The following GTF2IRD1 variants were observed in gnomAD, a reference collection of about 807,000 sequenced individuals.
GTF2IRD1 encodes the protein GTF2I repeat domain containing 1, also known as general transcription factor II-I repeat domain-containing protein 1.
A neutral mutation model predicts 113.2 loss-of-function variants in GTF2IRD1; 26 were observed. The ratio of observed to expected loss-of-function variants is 0.23; its 90% CI spans 0.17 to 0.32. The LOEUF (loss-of-function observed/expected upper bound fraction) is 0.32. Ranked by LOEUF, GTF2IRD1 falls within the 10% of genes least tolerant of loss-of-function variation. The probability of loss-of-function intolerance (pLI) is 1.00; values close to 1 mark genes in which losing one functional copy is unlikely to be tolerated. For synonymous variants in GTF2IRD1, 484 were observed against 529.1 expected (o/e 0.91, Z 1.17); for missense variants, 864 against 1,280.8 (o/e 0.67, Z 4.97).
In GTF2IRD1 at chr7:74,521,303, A is replaced by G. The variant is rs1554345931; in HGVS notation, c.1006+6A>G. 9.5e-6 allele frequency: 15 copies of G among 1,585,320 alleles called. No homozygotes were observed. Among genetic ancestry groups the G allele is most frequent in the Non-Finnish European group, 1.3e-5 (15 of 1,154,470 alleles). On this transcript the variant is annotated splice_donor_region_variant and intron_variant, in intron 7 of 26. Coordinates refer to ENST00000424337, the MANE Select transcript of GTF2IRD1 (RefSeq NM_005685.4). ...CATCGTCCATGACAAGTCAGGTAGG[A>G]CAGCGCCCACGAAGCACCCCGGCCT...
At chr7:74,566,802 C>G (rs919388635) in intron 22 of GTF2IRD1, among the ~76,000 whole-genome samples, 39 of 152,098 alleles carry the variant, frequency 2.6e-4, no homozygotes, top group African/African-American at 8.9e-4. Flanking sequence ...AAGTCTTTAC[C>G]ATTTTATTAT....
At chr7:74,496,112 A>G (rs1434628764) in intron 1 of GTF2IRD1, among the ~76,000 whole-genome samples, 1 of 150,438 alleles carries the variant, frequency 6.6e-6, no homozygotes, top group Non-Finnish European at 1.5e-5. Flanking sequence ...ATATGTGTGT[A>G]TGCATGTGTG....
In GTF2IRD1 at chr7:74,455,215, C is replaced by T. The variant is rs575757241; in HGVS notation, c.-7+1039C>T. Among the ~76,000 whole-genome samples the T allele has an allele frequency of 6.6e-4, 100 of 152,342 alleles. 1 individual carries two copies. Among genetic ancestry groups the T allele is most frequent in the Middle Eastern group, 3.4e-3 (1 of 294 alleles). ...CGCTGCAGGGCCTGTGAGGGGAGCA[C>T]TGACTCTTGGATGGAGAATGTGCCA... On this transcript the variant is annotated intron_variant, in intron 1 of 26. Coordinates refer to ENST00000424337, the MANE Select transcript of GTF2IRD1 (RefSeq NM_005685.4).
intron 1 of GTF2IRD1, among the ~76,000 whole-genome samples, chr7:74,489,108 C>CGA (rs1410065750): frequency 2.0e-5 from 3 of 151,792 alleles, no homozygotes; most frequent in African/African-American, 7.3e-5. Flanking sequence ...TGCCACTGCA[C>CGA]TCCAGCCTGG....
chr7:74,558,982 C>T lies in GTF2IRD1; in HGVS notation c.2229C>T (p.Phe743=), dbSNP rs369700997. 74 of 1,613,966 alleles carry T rather than the reference C, an allele frequency of 4.6e-5. No homozygotes were observed. The highest frequency in any genetic ancestry group is 8.9e-5 in the East Asian group (4 of 44,882). The change falls in exon 21 of 27, where the codon TTC becomes TTT. Residue 743 remains phenylalanine (F), a synonymous_variant. Coordinates refer to ENST00000424337, the MANE Select transcript of GTF2IRD1 (RefSeq NM_005685.4). The stretch of plus-strand genomic sequence containing the variant: ...TCCCGTTCCGAAAGCCCTGTACCTT[C>T]GGCTCCCAGAACCTGGAGAGGATTC... ...PGIPFRKPCT[F]GSQNLERILA...
At chr7:74,503,623 C>G (rs1554340118) in intron 1 of GTF2IRD1, among the ~76,000 whole-genome samples, 1 of 152,156 alleles carries the variant, frequency 6.6e-6, no homozygotes, top group African/African-American at 2.4e-5. Context: ...GTGGTGGGCA[C>G]CTGTAATCCC....
intron 22 of GTF2IRD1, chr7:74,570,981 G>T: frequency 2.3e-6 from 1 of 428,768 alleles, no homozygotes; most frequent in Non-Finnish European, 3.1e-6. Context: ...GTTCCCTTTT[G>T]GGCAAACACG....
At chr7:74,571,201 TCA>T (rs1800675564) in intron 22 of GTF2IRD1, 4 of 736,552 alleles carry the variant, frequency 5.4e-6, no homozygotes, top group African/African-American at 1.9e-5. Flanking sequence ...TACCTGGGCC[TCA>T]GTTTCCCTAC....
At chr7:74,552,533 A>C (rs1799374607) in intron 17 of GTF2IRD1, among the ~76,000 whole-genome samples, 1 of 152,044 alleles carries the variant, frequency 6.6e-6, no homozygotes, top group African/African-American at 2.4e-5. Context: ...AATAAATAAA[A>C]AGGTAGCAGG....
At chr7:74,598,714 A>G (rs1802568170) in intron 25 of GTF2IRD1, among the ~76,000 whole-genome samples, 1 of 152,128 alleles carries the variant, frequency 6.6e-6, no homozygotes, top group Admixed American at 6.6e-5. Flanking sequence ...ACTGTCACCC[A>G]CATCCACCAC....
intron 14 of GTF2IRD1, among the ~76,000 whole-genome samples, chr7:74,543,035 G>T (rs190575031): frequency 6.6e-6 from 1 of 152,140 alleles, no homozygotes; most frequent in East Asian, 1.9e-4. Context: ...GCTGGGTGTG[G>T]TGGCTCACAC....
intron 22 of GTF2IRD1, among the ~76,000 whole-genome samples, chr7:74,583,293 A>G (rs748140898): frequency 9.2e-5 from 14 of 151,952 alleles, no homozygotes; most frequent in South Asian, 2.1e-4. Context: ...GGCTCAAGCA[A>G]TCCTCCCACC....
chr7:74,513,119 T>C, intron 3 of GTF2IRD1, 148 bp downstream of exon 3: 3 of 766,488 alleles, frequency 3.9e-6, no homozygotes, highest in Non-Finnish European at 6.2e-6. Flanking sequence ...AGATTCCCGA[T>C]GTGGTGTTAT....
chr7:74,478,029 C>G (rs1487327240), intron 1 of GTF2IRD1, among the ~76,000 whole-genome samples: 5 of 152,186 alleles, frequency 3.3e-5, no homozygotes, highest in Non-Finnish European at 7.3e-5. Flanking sequence ...ACCCAGCCCC[C>G]ACGCTTTTCA....
intron 17 of GTF2IRD1, among the ~76,000 whole-genome samples, chr7:74,553,527 G>A (rs1386427106): frequency 5.3e-5 from 8 of 152,046 alleles, no homozygotes; most frequent in Admixed American, 3.3e-4. Flanking sequence ...GGCTCAAAGC[G>A]ATGCCCCTGC....
At position 74,524,100 on chromosome 7, in the gene GTF2IRD1, G is replaced by C. The variant is rs782799091; in HGVS notation, c.1036G>C (p.Glu346Gln). The C allele has an allele frequency of 2.5e-6, 4 of 1,612,954 alleles. No homozygotes were observed. The highest frequency in any genetic ancestry group is 3.3e-4 in the Middle Eastern group (2 of 6,084). ...GTGGGACGCCTTCATAAAGGAAACCGAGGACATCAACACGCTCCGGGAGTG... is the reference window on the plus strand; with the variant it reads ...GTGGGACGCCTTCATAAAGGAAACCCAGGACATCAACACGCTCCGGGAGTG... ...EKWDAFIKETEDINTLRECVQ... is the reference protein window; with the variant it reads ...EKWDAFIKETQDINTLRECVQ... The change falls in exon 8 of 27, where the codon GAG becomes CAG. Residue 346 changes from glutamate to glutamine, a missense_variant. Glu to Gln is a conservative substitution (Grantham distance 29). This residue lies in a region of GTF2IRD1 where 218 missense variants were observed against 352.6 expected (regional missense o/e 0.62). Transcript: ENST00000424337.
chr7:74,515,625 G>A (rs782504056), intron 4 of GTF2IRD1, 29 bp downstream of exon 4: 1 of 1,585,950 alleles, frequency 6.3e-7, no homozygotes, highest in Non-Finnish European at 8.6e-7. Flanking sequence ...CCATTTGGGG[G>A]CCCCAGGGAG....
In GTF2IRD1 at chr7:74,590,961, G is replaced by A. The variant is rs1554369381; in HGVS notation, c.2535G>A (p.Leu845=). ...RNPNTYDIHR[L]EKILKAREHV... ...CCAACACGTACGACATCCACCGGCT[G>A]GAGAAGATCCTGAAGGCCCGAGAGC... Residue 845 remains leucine, a synonymous_variant, in exon 24 of 27, where the codon CTG becomes CTA. Transcript: ENST00000424337. 9 of 1,613,586 alleles carry A rather than the reference G, an allele frequency of 5.6e-6. No individual in the cohort carries two copies. The highest frequency in any genetic ancestry group is 5.9e-6 in the Non-Finnish European group (7 of 1,179,970).
chr7:74,583,256 A>G (rs1463994583), intron 22 of GTF2IRD1, among the ~76,000 whole-genome samples: 2 of 151,734 alleles, frequency 1.3e-5, no homozygotes, highest in South Asian at 2.1e-4. Flanking sequence ...TGGGGCAATC[A>G]TGGCTTACTG....
Sources: allele counts gnomAD v4.1 joint callset (sites outside exome capture counted in the v4.1 genomes callset), GRCh38; gene constraint gnomAD v4.1.1; regional missense constraint gnomAD v4.1.1; transcripts MANE v1.5; gene names NCBI Gene and HGNC (gene_info 2026-07-23, HGNC 2026-07-21).